Variants in TPRX1 observed in about 807,000 individuals in gnomAD.
TPRX1 encodes the protein tetra-peptide repeat homeobox protein 1.
A neutral mutation model predicts 8.1 loss-of-function variants in TPRX1; 2 were observed. The ratio of observed to expected loss-of-function variants is 0.25; its 90% confidence interval spans 0.10 to 0.78. The LOEUF (loss-of-function observed/expected upper bound fraction) is 0.78, where lower values mean the gene tolerates loss of function less well. Among genes scored for constraint, TPRX1 ranks in the 30% least tolerant of loss-of-function variants. The pLI is 0.70. For synonymous variants in TPRX1, 257 were observed against 254.1 expected (o/e 1.01, Z -0.11); for missense variants, 517 against 586.9 (o/e 0.88, Z 1.23).
chr19:47,816,801 G>T (rs1052306765), intron 2 of TPRX1, among the ~76,000 whole-genome samples: 15 of 152,088 alleles, frequency 9.9e-5, no homozygotes, highest in African/African-American at 3.6e-4. Context: ...CAAAGTGCTG[G>T]GATTACAGGC....
chr19:47,803,945 C>T (rs892600296), intron 2 of TPRX1, among the ~76,000 whole-genome samples: 1 of 152,026 alleles, frequency 6.6e-6, no homozygotes, highest in Admixed American at 6.6e-5. Flanking sequence ...GCTCAACCCT[C>T]CCCAGCTGCC....
At chr19:47,802,113 G>T (rs994520399) in exon 4 of TPRX1, 1 of 1,586,750 alleles carries the variant, frequency 6.3e-7, no homozygotes, top group East Asian at 2.2e-5. Flanking sequence ...GCTAGGCCTG[G>T]AAGTGAGCCA....
At chr19:47,803,072 C>T in intron 3 of TPRX1, 92 bp from the exon 3 acceptor site, 1 of 1,416,696 alleles carries the variant, frequency 7.1e-7, no homozygotes, top group Non-Finnish European at 9.3e-7. Context: ...TGAAGCCTCT[C>T]CCTGTGCTCA....
chr19:47,813,496 C>T (rs534921286), intron 2 of TPRX1, among the ~76,000 whole-genome samples: 8 of 152,264 alleles, frequency 5.3e-5, no homozygotes, highest in Admixed American at 1.3e-4. Context: ...CTAGGCACTC[C>T]GGTGACCGTG....
chr19:47,812,798 C>A (rs1269247241), intron 2 of TPRX1, among the ~76,000 whole-genome samples: 1 of 150,650 alleles, frequency 6.6e-6, no homozygotes, highest in African/African-American at 2.4e-5. Flanking sequence ...AAAAAACCCC[C>A]CAAAACCAAA....
chr19:47,815,135 TATATATATGCAAATATATATATATATA>T (rs1568617385), intron 2 of TPRX1, among the ~76,000 whole-genome samples: 2 of 114,096 alleles, frequency 1.8e-5, no homozygotes, highest in African/African-American at 3.4e-5. Flanking sequence ...TATATATATA[TATATATATGCAAATATATATATATATA>T]TTTTTTTTTT....
chr19:47,808,482 G>C lies in TPRX1; in HGVS notation c.152-4809C>G, dbSNP rs367876631. Among the ~76,000 whole-genome samples the C allele has an allele frequency of 9.5e-3, 1,442 of 151,216 alleles. 34 individuals carry two copies. Among genetic ancestry groups the C allele is most frequent in the Middle Eastern group, 0.059 (17 of 286 alleles). ...GATCTGTCACCCAGACTAAAGTGCA[G>C]TGGCTCTGCACTTTAATGCAGATAT... On this transcript the variant is annotated intron_variant, in intron 2 of 3. Transcript: ENST00000535759.
intron 2 of TPRX1, among the ~76,000 whole-genome samples, chr19:47,807,367 C>G (rs1180599433): frequency 6.6e-6 from 1 of 151,954 alleles, no homozygotes; most frequent in African/African-American, 2.4e-5. Context: ...GAATTGTATA[C>G]TTTATTTAAT....
chr19:47,801,828 C>T, exon 4 of TPRX1: 3 of 1,614,074 alleles, frequency 1.9e-6, no homozygotes, highest in Non-Finnish European at 2.5e-6. Context: ...ACAGAGCCAC[C>T]CTCCTCTTGG....
chr19:47,816,754 G>A (rs1019073102), intron 2 of TPRX1, among the ~76,000 whole-genome samples: 6 of 151,186 alleles, frequency 4.0e-5, no homozygotes, highest in Non-Finnish European at 8.9e-5. Context: ...GGATGGTCTC[G>A]ATCTCCTGAC....
At chr19:47,816,694 G>A (rs953518407) in intron 2 of TPRX1, among the ~76,000 whole-genome samples, 10 of 151,286 alleles carry the variant, frequency 6.6e-5, no homozygotes, top group Non-Finnish European at 1.2e-4. Flanking sequence ...CACCACGCCC[G>A]GCTATTTTTT....
rs1967869558 is a variant in TPRX1, at chr19:47,818,377, C to CCCATCCATCCCT, written c.151+79_151+90dup. ...CCATCCATCCATCCATCATCCATCA[C>CCCATCCATCCCT]CCATCCATCCCTCCATCCATCCATC... is the stretch of plus-strand genomic sequence containing the variant. On this transcript the variant is annotated intron_variant, in intron 2 of 3. Coordinates refer to ENST00000535759, the Ensembl canonical transcript of TPRX1. The CCCATCCATCCCT allele has an allele frequency of 3.3e-5, 11 of 336,824 alleles. 1 individual carries two copies. Among genetic ancestry groups the CCCATCCATCCCT allele is most frequent in the Admixed American group, 6.7e-5 (2 of 29,764 alleles). 20.9% of individuals were successfully genotyped at this position (336,824 alleles called of 1,614,324 possible). A position where few individuals can be genotyped will look rare whatever the true frequency, so the allele number is the denominator to read the frequency against.
exon 4 of TPRX1, chr19:47,802,768 C>G (rs1486366432): frequency 1.2e-6 from 2 of 1,606,150 alleles, no homozygotes; most frequent in Admixed American, 3.4e-5. Context: ...GGGCTCTGCA[C>G]CCAGGGCCAC....
intron 2 of TPRX1, among the ~76,000 whole-genome samples, chr19:47,815,114 T>TTATATATATATATATATA (rs548380113): frequency 0.012 from 784 of 63,054 alleles, 11 homozygotes; most frequent in Middle Eastern, 0.021. Flanking sequence ...AATAGATAAA[T>TTATATATATATATATATA]TATATATATA....
chr19:47,815,114 T>TTATA (rs548380113), intron 2 of TPRX1, among the ~76,000 whole-genome samples: 15,255 of 63,146 alleles, frequency 0.24, 2,034 homozygotes, highest in East Asian at 0.29. Flanking sequence ...AATAGATAAA[T>TTATA]TATATATATA....
At chr19:47,802,220 G>C (rs749865607) in exon 4 of TPRX1, 1 of 1,612,336 alleles carries the variant, frequency 6.2e-7, no homozygotes, top group Non-Finnish European at 8.5e-7. Flanking sequence ...GCCTATAATT[G>C]GGCCTGGGCC....
At chr19:47,815,131 T>TATGCAA (rs1555800036) in intron 2 of TPRX1, among the ~76,000 whole-genome samples, 2 of 111,494 alleles carry the variant, frequency 1.8e-5, no homozygotes, top group African/African-American at 7.4e-5. Flanking sequence ...TATATATATA[T>TATGCAA]ATATATATAT....
chr19:47,803,252 C>G (rs1373049426), intron 3 of TPRX1, among the ~76,000 whole-genome samples: 1 of 151,712 alleles, frequency 6.6e-6, no homozygotes, highest in South Asian at 2.1e-4. Flanking sequence ...GGAGGGACCG[C>G]GGGTTCTCAC....
intron 2 of TPRX1, among the ~76,000 whole-genome samples, chr19:47,806,182 A>G (rs1175397936): frequency 6.6e-6 from 1 of 151,482 alleles, no homozygotes; most frequent in African/African-American, 2.4e-5. Context: ...AGATTGTGCC[A>G]CTGTACTCCA....
Sources: allele counts gnomAD v4.1 joint callset (sites outside exome capture counted in the v4.1 genomes callset), GRCh38; gene constraint gnomAD v4.1.1; transcripts MANE v1.5; gene names NCBI Gene and HGNC (gene_info 2026-07-23, HGNC 2026-07-21).